Variants in FAM227A observed in about 807,000 individuals in gnomAD.
The protein encoded by FAM227A is protein FAM227A.
FAM227A carries 80 observed loss-of-function variants against 74.7 expected under a neutral mutation model. That is an observed-to-expected ratio of 1.07 (90% CI 0.89 to 1.29). FAM227A has a LOEUF of 1.29. Ranked by LOEUF, FAM227A falls within the 50% of genes most tolerant of loss-of-function variation. The probability of loss-of-function intolerance (pLI) is 0.00; values close to 1 mark genes in which losing one functional copy is unlikely to be tolerated. For synonymous variants in FAM227A, 237 were observed against 241.8 expected (o/e 0.98, Z 0.19); for missense variants, 654 against 683.4 (o/e 0.96, Z 0.48).
At chr22:38,606,337 A>C (rs2146253607) in intron 12 of FAM227A, among the ~76,000 whole-genome samples, 1 of 152,138 alleles carries the variant, frequency 6.6e-6, no homozygotes, top group South Asian at 2.1e-4. Context: ...CAGCTAATTT[A>C]AAAATTTTTT....
chr22:38,592,520 C>T (rs981240098), intron 15 of FAM227A, among the ~76,000 whole-genome samples: 29 of 152,128 alleles, frequency 1.9e-4, no homozygotes, highest in Non-Finnish European at 1.2e-4. Context: ...AGAAGAAATG[C>T]ATTTCTTTGG....
At chr22:38,613,101 A>G (rs1163325693) in intron 11 of FAM227A, among the ~76,000 whole-genome samples, 4 of 95,488 alleles carry the variant, frequency 4.2e-5, no homozygotes, top group Non-Finnish European at 5.6e-5. Context: ...TATATTATAT[A>G]TAATTATATA....
Position 38,578,794 on chromosome 22 carries a change from C to G in FAM227A, c.*7331G>C, listed in dbSNP as rs565721795. The stretch of plus-strand genomic sequence containing the variant: ...GGAACACAGAGGCTTATTTGGGGAA[C>G]TGCAAGTGGTTCTGGTGGAGGATTT... On this transcript the variant is annotated 3_prime_UTR_variant, in exon 17 of 17. Transcript: ENST00000535113. 14 of 152,294 alleles carry G rather than the reference C, an allele frequency of 9.2e-5. No individual in the cohort carries two copies. The highest frequency in any genetic ancestry group is 9.2e-4 in the Admixed American group (14 of 15,292). 9.4% of individuals were successfully genotyped at this position (152,294 alleles called of 1,614,324 possible).
chr22:38,608,155 C>CAAAAAAAAAAA (rs35387385), intron 11 of FAM227A, among the ~76,000 whole-genome samples: 1 of 76,926 alleles, frequency 1.3e-5, no homozygotes, highest in Non-Finnish European at 2.7e-5. Flanking sequence ...CTTTTCTCTA[C>CAAAAAAAAAAA]AAAAAAAAAA....
rs2090801579 is a variant in FAM227A at position 38,586,126 on chromosome 22, C to T, written c.1712G>A (p.Ter571=). ...EHFFPLTSKP[*] ...CCTGGTTCTAGGTTGTGGAGCTCCT[C>T]AGGGCTTGGAAGTGAGTGGAAAGAA... is the stretch of plus-strand genomic sequence containing the variant. The change falls in exon 17 of 17, where the codon TGA becomes TAA. Residue 571 remains the stop codon, a stop_retained_variant. Coordinates refer to ENST00000535113, the MANE Select transcript of FAM227A (RefSeq NM_001013647.2). 6.4e-7 allele frequency: 1 copy of T among 1,551,904 alleles called. No homozygotes were observed. Among genetic ancestry groups the T allele is most frequent in the African/African-American group, 1.4e-5 (1 of 73,054 alleles).
chr22:38,652,355 G>A (rs767499619), intron 1 of FAM227A, among the ~76,000 whole-genome samples: 3 of 152,112 alleles, frequency 2.0e-5, no homozygotes, highest in African/African-American at 7.2e-5. Context: ...TTGGGAGGCC[G>A]AGGCAGGCAG....
chr22:38,607,513 C>G (rs575411767), intron 11 of FAM227A, 37 bp from the exon 12 acceptor site: 2 of 1,339,354 alleles, frequency 1.5e-6, no homozygotes, highest in East Asian at 2.5e-5. Flanking sequence ...AGGGAGAAAG[C>G]GAGAGAGAGA....
At chr22:38,638,920 C>T in intron 4 of FAM227A, 98 bp from the exon 5 acceptor site, 1 of 708,688 alleles carries the variant, frequency 1.4e-6, no homozygotes. Context: ...ACTTGAGCTG[C>T]CAGAGGACAC....
rs556509191 is a variant in FAM227A, at chr22:38,598,551, T to C, written c.1380-1195A>G. On this transcript the variant is annotated intron_variant, in intron 14 of 16. Coordinates refer to ENST00000535113, the MANE Select transcript of FAM227A (RefSeq NM_001013647.2). ...AGTTGTTGTTATTACTCTCTCCCTATAGAACATGTAAATAAGTTTGCGGAC... is the reference window on the plus strand; with the variant it reads ...AGTTGTTGTTATTACTCTCTCCCTACAGAACATGTAAATAAGTTTGCGGAC... Among the ~76,000 whole-genome samples the C allele has an allele frequency of 5.9e-5, 9 of 152,338 alleles. No individual in the cohort carries two copies. The South Asian group carries it at 6.2e-4, about 11-fold the overall frequency.
intron 1 of FAM227A, among the ~76,000 whole-genome samples, chr22:38,654,309 T>C (rs984622785): frequency 2.6e-5 from 4 of 151,150 alleles, no homozygotes; most frequent in Non-Finnish European, 5.9e-5. Flanking sequence ...ATCGCGCCAC[T>C]GCACTCCAGC....
intron 1 of FAM227A, among the ~76,000 whole-genome samples, chr22:38,652,693 T>C (rs1214510278): frequency 6.6e-6 from 1 of 150,992 alleles, no homozygotes; most frequent in Non-Finnish European, 1.5e-5. Context: ...GAGACCATTC[T>C]GGCTAACATG....
At chr22:38,622,476 G>A (rs1364157291) in intron 10 of FAM227A, among the ~76,000 whole-genome samples, 2 of 152,218 alleles carry the variant, frequency 1.3e-5, no homozygotes, top group East Asian at 1.9e-4. Context: ...GGTCTGCTGA[G>A]TGAAATAGAA....
Position 38,619,687 on chromosome 22 carries a change from T to TA in FAM227A, c.1038+524dup, listed in dbSNP as rs2091646546. On this transcript the variant is annotated intron_variant, in intron 11 of 16. Transcript: ENST00000535113. ...TCAGGTGGTGATGGGATGATGTACT[T>TA]AGCTTTGCACTTTGAAAAGATGGCC... Among the ~76,000 whole-genome samples the TA allele has an allele frequency of 2.0e-5, 3 of 152,270 alleles. No individual in the cohort carries two copies. The South Asian group carries it at 6.2e-4, about 32-fold the overall frequency.
intron 12 of FAM227A, among the ~76,000 whole-genome samples, 177 bp downstream of exon 12, chr22:38,607,212 G>A (rs1376913616): frequency 6.8e-6 from 1 of 146,386 alleles, no homozygotes; most frequent in Non-Finnish European, 1.5e-5. Flanking sequence ...AATGCTTATT[G>A]AACTGAAAAG....
intron 3 of FAM227A, among the ~76,000 whole-genome samples, chr22:38,641,681 A>C (rs2092117723): frequency 6.8e-6 from 1 of 147,456 alleles, no homozygotes; most frequent in Admixed American, 6.7e-5. Context: ...ATCGAGAAGC[A>C]GGTCTTTAGT....
chr22:38,586,849 T>A (rs2090821007), intron 16 of FAM227A, among the ~76,000 whole-genome samples: 1 of 145,116 alleles, frequency 6.9e-6, no homozygotes, highest in Admixed American at 6.9e-5. Context: ...GTTTTTTGTA[T>A]TTTTTTTTTT....
chr22:38,647,680 C>T (rs1202586175), intron 2 of FAM227A, among the ~76,000 whole-genome samples: 1 of 152,070 alleles, frequency 6.6e-6, no homozygotes, highest in Non-Finnish European at 1.5e-5. Context: ...TCTGTCTTAG[C>T]CTCAATTGAT....
chr22:38,581,169 A>C lies in FAM227A; in HGVS notation c.*4956T>G, dbSNP rs913090983. On this transcript the variant is annotated 3_prime_UTR_variant, in exon 17 of 17. Coordinates refer to ENST00000535113, the MANE Select transcript of FAM227A (RefSeq NM_001013647.2). ...ATATGGCAATTATTATTAATGCCCA[A>C]ATGGTCCTCTCTTTTAGCTAATGGG... 1.3e-5 allele frequency: 2 copies of C among 152,172 alleles called. No individual in the cohort carries two copies. Among genetic ancestry groups the C allele is most frequent in the Admixed American group, 6.5e-5 (1 of 15,286 alleles). 9.4% of individuals were successfully genotyped at this position (152,172 alleles called of 1,614,324 possible). A position where few individuals can be genotyped will look rare whatever the true frequency, so the allele number is the denominator to read the frequency against.
In FAM227A at chr22:38,638,838, GA is replaced by G; in HGVS notation, c.296-17del. On this transcript the variant is annotated splice_polypyrimidine_tract_variant and intron_variant, in intron 4 of 16. Transcript: ENST00000535113. The stretch of plus-strand genomic sequence containing the variant: ...TGTCTCTTGACTGCAGAAAAATGGA[GA>G]AAGAGATAAATGAGTAACCACAGGG... The G allele has an allele frequency of 6.6e-7, 1 of 1,509,524 alleles. No individual in the cohort carries two copies. The allele number at this position is 1,509,524 out of a possible 1,614,324, so 93.5% of individuals were successfully genotyped here. A position where few individuals can be genotyped will look rare whatever the true frequency, so the allele number is the denominator to read the frequency against.
Sources: allele counts gnomAD v4.1 joint callset (sites outside exome capture counted in the v4.1 genomes callset), GRCh38; gene constraint gnomAD v4.1.1; transcripts MANE v1.5; gene names NCBI Gene and HGNC (gene_info 2026-07-23, HGNC 2026-07-21).